The following TRIM44 variants were observed in gnomAD, a reference collection of about 807,000 sequenced individuals.
TRIM44 encodes the protein tripartite motif-containing protein 44.
A neutral mutation model predicts 37.4 loss-of-function variants in TRIM44; 13 were observed. The ratio of observed to expected loss-of-function variants is 0.35; its 90% CI spans 0.23 to 0.55. The LOEUF (loss-of-function observed/expected upper bound fraction) is 0.55, where lower values mean the gene tolerates loss of function less well. TRIM44 is among the 20% of genes least tolerant of loss of function. The probability of loss-of-function intolerance (pLI) is 0.89; values close to 1 mark genes in which losing one functional copy is unlikely to be tolerated. For missense variants in TRIM44, 426 were observed against 437.2 expected (o/e 0.97, Z 0.23); for synonymous variants, 175 against 157.2 (o/e 1.11, Z -0.85).
intron 1 of TRIM44, among the ~76,000 whole-genome samples, chr11:35,665,063 T>C (rs1391809236): frequency 1.3e-5 from 2 of 152,360 alleles, no homozygotes; most frequent in South Asian, 4.1e-4. Flanking sequence ...TGTAGTTTAT[T>C]CACTTTCATT....
At chr11:35,677,693 T>C (rs752946071) in intron 1 of TRIM44, among the ~76,000 whole-genome samples, 27 of 152,314 alleles carry the variant, frequency 1.8e-4, no homozygotes, top group Non-Finnish European at 3.5e-4. Context: ...TCAACAAATA[T>C]TTATTGAAGG....
chr11:35,709,119 G>T (rs1851932276), intron 2 of TRIM44, among the ~76,000 whole-genome samples: 1 of 152,088 alleles, frequency 6.6e-6, no homozygotes, highest in African/African-American at 2.4e-5. Flanking sequence ...TTTGGATGGG[G>T]ATAGTAACTA....
At chr11:35,725,647 T>C (rs567411312) in intron 2 of TRIM44, among the ~76,000 whole-genome samples, 51 of 152,222 alleles carry the variant, frequency 3.4e-4, no homozygotes, top group South Asian at 1.5e-3. Flanking sequence ...CATTTTTTAC[T>C]GTATATATTC....
At chr11:35,797,299 G>T (rs1442099200) in intron 4 of TRIM44, among the ~76,000 whole-genome samples, 1 of 152,126 alleles carries the variant, frequency 6.6e-6, no homozygotes, top group African/African-American at 2.4e-5. Context: ...AGTCCATTCT[G>T]ATATAAATGA....
intron 4 of TRIM44, among the ~76,000 whole-genome samples, chr11:35,779,413 C>T (rs1853027827): frequency 6.6e-6 from 1 of 152,122 alleles, no homozygotes; most frequent in African/African-American, 2.4e-5. Flanking sequence ...CAATGCCCCA[C>T]CCTGCTTCAG....
intron 1 of TRIM44, among the ~76,000 whole-genome samples, chr11:35,673,391 T>G (rs1171501219): frequency 6.6e-6 from 1 of 152,210 alleles, no homozygotes; most frequent in Non-Finnish European, 1.5e-5. Flanking sequence ...TTGGTGTAAA[T>G]GAACAACTCC....
chr11:35,715,341 G>A (rs1454137033), intron 2 of TRIM44, among the ~76,000 whole-genome samples: 1 of 151,834 alleles, frequency 6.6e-6, no homozygotes, highest in Non-Finnish European at 1.5e-5. Context: ...ACAGTTATTA[G>A]GCCCTTTAAA....
intron 4 of TRIM44, among the ~76,000 whole-genome samples, chr11:35,750,803 G>T (rs549488164): frequency 1.3e-5 from 2 of 152,110 alleles, no homozygotes; most frequent in Admixed American, 1.3e-4. Flanking sequence ...ACATTTCTCT[G>T]CTATTATTCA....
At chr11:35,796,138 G>C (rs555993410) in intron 4 of TRIM44, among the ~76,000 whole-genome samples, 22 of 152,254 alleles carry the variant, frequency 1.4e-4, no homozygotes, top group Admixed American at 1.2e-3. Context: ...ATTATGGGTT[G>C]GTATACTTCC....
chr11:35,726,027 A>G lies in TRIM44; in HGVS notation c.851A>G (p.Gln284Arg). ...AAGGCCCTTCATCTAGTGGACATCC[A>G]AGAGGCAATGGCCACAGCTCATGTG... ...EQKALHLVDI[Q>R]EAMATAHVTE... The change falls in exon 3 of 5, where the codon CAA (glutamine) becomes CGA (arginine). Residue 284 changes from glutamine (Q) to arginine (R), a missense_variant. Around this residue, in one of 2 missense-constraint regions of TRIM44, gnomAD observed 95 missense variants for 134.2 expected, o/e 0.71. Transcript: ENST00000299413. 1 of 1,614,172 alleles carries G rather than the reference A, an allele frequency of 6.2e-7. No homozygotes were observed. Among genetic ancestry groups the G allele is most frequent in the Non-Finnish European group, 8.5e-7 (1 of 1,180,026 alleles).
In TRIM44 at chr11:35,663,572, A is replaced by T; in HGVS notation, c.461A>T (p.Glu154Val). 1 of 1,614,024 alleles carries T rather than the reference A, an allele frequency of 6.2e-7. No individual in the cohort carries two copies. The highest frequency in any genetic ancestry group is 8.5e-7 in the Non-Finnish European group (1 of 1,180,000). ...DNQEEGESEA[E>V]GETEAESEFD... ...CAAGAAGAAGGGGAATCCGAGGCGG[A>T]GGGAGAAACTGAGGCAGAAAGTGAA... Residue 154 changes from glutamate to valine, a missense_variant, in exon 1 of 5, where the codon GAG becomes GTG. Physicochemically the swap from Glu to Val is moderately radical, Grantham distance 121. Transcript: ENST00000299413.
intron 4 of TRIM44, among the ~76,000 whole-genome samples, chr11:35,756,202 C>T (rs1282383060): frequency 2.6e-5 from 4 of 152,220 alleles, no homozygotes; most frequent in African/African-American, 9.6e-5. Context: ...TTGTAGTTCT[C>T]CTTGAAGAGG....
intron 2 of TRIM44, among the ~76,000 whole-genome samples, chr11:35,720,188 T>A (rs1473349844): frequency 2.0e-5 from 3 of 152,220 alleles, no homozygotes; most frequent in Non-Finnish European, 4.4e-5. Flanking sequence ...ATTTATTTCT[T>A]CTTTGAATTC....
chr11:35,672,244 A>G (rs1590491633), intron 1 of TRIM44, among the ~76,000 whole-genome samples: 1 of 152,146 alleles, frequency 6.6e-6, no homozygotes, highest in Non-Finnish European at 1.5e-5. Flanking sequence ...CCCACTACAC[A>G]TACCCTTTTA....
intron 1 of TRIM44, among the ~76,000 whole-genome samples, chr11:35,684,409 CTT>C (rs1013234168): frequency 1.4e-4 from 22 of 152,112 alleles, no homozygotes; most frequent in African/African-American, 5.3e-4. Context: ...TCACATTAGT[CTT>C]TTATTGTACT....
At chr11:35,714,129 C>G (rs1478147921) in intron 2 of TRIM44, among the ~76,000 whole-genome samples, 1 of 152,080 alleles carries the variant, frequency 6.6e-6, no homozygotes, top group Non-Finnish European at 1.5e-5. Context: ...CATAGGCTCC[C>G]TCTTTTCTTT....
At chr11:35,705,656 AT>A (rs1851869453) in intron 2 of TRIM44, among the ~76,000 whole-genome samples, 1 of 149,168 alleles carries the variant, frequency 6.7e-6, no homozygotes, top group Non-Finnish European at 1.5e-5. Flanking sequence ...CTGCTCCTGA[AT>A]GACTACTGGG....
chr11:35,736,813 G>T, intron 4 of TRIM44, among the ~76,000 whole-genome samples: 1 of 152,158 alleles, frequency 6.6e-6, no homozygotes, highest in East Asian at 1.9e-4. Context: ...TCAGGAACAG[G>T]CTCCTTCTTT....
intron 2 of TRIM44, among the ~76,000 whole-genome samples, chr11:35,693,461 C>T (rs150188214): frequency 3.9e-5 from 6 of 151,966 alleles, no homozygotes; most frequent in African/African-American, 1.4e-4. Flanking sequence ...GTAGTGGGTA[C>T]CTCTTTATGC....
Sources: gnomAD v4.1 joint callset for allele counts (sites outside exome capture counted in the v4.1 genomes callset) on GRCh38, gnomAD v4.1.1 for gene constraint, gnomAD v4.1.1 regional missense constraint, MANE v1.5 for transcripts, NCBI Gene and HGNC (gene_info 2026-07-23, HGNC 2026-07-21) for gene names.